The following CTNNA2 variants were observed in gnomAD, a reference collection of about 807,000 sequenced individuals.
CTNNA2 encodes catenin alpha 2.
CTNNA2 carries 42 observed loss-of-function variants against 101.0 expected under a neutral mutation model. That is an observed-to-expected ratio of 0.42 (90% CI 0.32 to 0.54). CTNNA2 has a LOEUF of 0.54. Among genes scored for constraint, CTNNA2 ranks in the 20% least tolerant of loss-of-function variants. CTNNA2 has a pLI of 0.14. For missense variants in CTNNA2, 871 were observed against 1,223.1 expected (o/e 0.71, Z 4.29); for synonymous variants, 450 against 456.4 (o/e 0.99, Z 0.18).
At chr2:80,638,166 CA>C (rs1385970737) in intron 18 of CTNNA2, among the ~76,000 whole-genome samples, 1 of 151,998 alleles carries the variant, frequency 6.6e-6, no homozygotes, top group Non-Finnish European at 1.5e-5. Context: ...ATCGGTAAGG[CA>C]AAAAGGAGGC....
At chr2:80,359,784 T>C (rs1180003470) in intron 7 of CTNNA2, among the ~76,000 whole-genome samples, 1 of 152,162 alleles carries the variant, frequency 6.6e-6, no homozygotes, top group East Asian at 1.9e-4. Flanking sequence ...CTGTCTTAAT[T>C]ATTATAGCTT....
Position 80,647,980 on chromosome 2 carries a change from G to C in CTNNA2, c.*108G>C. The C allele has an allele frequency of 1.0e-6, 1 of 981,070 alleles. No homozygotes were observed. The highest frequency in any genetic ancestry group is 1.5e-6 in the Non-Finnish European group (1 of 674,544). 60.8% of individuals were successfully genotyped at this position (981,070 alleles called of 1,614,324 possible). ...GCCAGCTCGTATGCCTCTGGCATGG[G>C]GAAATTAAGGGAACAGTGTCTGTTT... On this transcript the variant is annotated 3_prime_UTR_variant, in exon 19 of 19. Coordinates refer to ENST00000402739, the MANE Select transcript of CTNNA2 (RefSeq NM_001282597.3).
intron 3 of CTNNA2, among the ~76,000 whole-genome samples, chr2:79,774,741 C>T (rs1208490357): frequency 6.6e-6 from 1 of 152,132 alleles, no homozygotes; most frequent in African/African-American, 2.4e-5. Context: ...AATGAGCCCC[C>T]AAAAGCAATA....
chr2:79,677,770 T>C (rs1212060328), intron 2 of CTNNA2, among the ~76,000 whole-genome samples: 1 of 152,098 alleles, frequency 6.6e-6, no homozygotes, highest in Non-Finnish European at 1.5e-5. Context: ...TGAAAGGAAA[T>C]GTTAAAGAAT....
chr2:79,794,415 A>T (rs1416917092), intron 3 of CTNNA2, among the ~76,000 whole-genome samples: 1 of 152,196 alleles, frequency 6.6e-6, no homozygotes, highest in Non-Finnish European at 1.5e-5. Context: ...TTATTCATTT[A>T]TTACATATAA....
intron 2 of CTNNA2, among the ~76,000 whole-genome samples, chr2:79,206,931 G>A (rs1167669563): frequency 5.3e-5 from 8 of 152,286 alleles, no homozygotes; most frequent in East Asian, 1.9e-4. Flanking sequence ...TACTGTGTAA[G>A]CTGAGTTGTG....
chr2:79,196,236 G>A (rs1432237199), intron 1 of CTNNA2, among the ~76,000 whole-genome samples: 1 of 152,154 alleles, frequency 6.6e-6, no homozygotes, highest in African/African-American at 2.4e-5. Flanking sequence ...CCAGCCTGAA[G>A]TCAGTTTTAA....
intron 2 of CTNNA2, among the ~76,000 whole-genome samples, chr2:79,292,219 C>G (rs922450884): frequency 1.3e-5 from 2 of 152,184 alleles, no homozygotes; most frequent in Admixed American, 6.5e-5. Context: ...AATCATTTCT[C>G]CTACCCAAGG....
At chr2:80,044,999 C>T (rs977492804) in intron 7 of CTNNA2, among the ~76,000 whole-genome samples, 4 of 152,144 alleles carry the variant, frequency 2.6e-5, no homozygotes, top group Non-Finnish European at 2.9e-5. Flanking sequence ...ATGGCTTACT[C>T]GGTTGCATGA....
At chr2:79,579,317 AT>A (rs541616615) in intron 1 of CTNNA2, among the ~76,000 whole-genome samples, 4 of 133,392 alleles carry the variant, frequency 3.0e-5, no homozygotes, top group African/African-American at 1.1e-4. Flanking sequence ...AATTCTAATC[AT>A]TTTTTTTATC....
chr2:80,092,795 A>G (rs964629084), intron 7 of CTNNA2, among the ~76,000 whole-genome samples: 1 of 152,098 alleles, frequency 6.6e-6, no homozygotes, highest in Non-Finnish European at 1.5e-5. Flanking sequence ...GACAGCTTCT[A>G]TTCCATCCAG....
At chr2:79,341,171 T>C (rs756441315) in intron 3 of CTNNA2, among the ~76,000 whole-genome samples, 6 of 152,172 alleles carry the variant, frequency 3.9e-5, no homozygotes, top group Non-Finnish European at 8.8e-5. Context: ...CTATTTCTGA[T>C]CGTGAGCACC....
At chr2:80,579,080 G>T (rs1022652073) in intron 13 of CTNNA2, 1 of 152,208 alleles carries the variant, frequency 6.6e-6, no homozygotes, top group Non-Finnish European at 1.5e-5. Context: ...AGACACAGAA[G>T]TAGTGAAACT....
At chr2:79,519,119 C>T (rs891043023) in intron 1 of CTNNA2, among the ~76,000 whole-genome samples, 3 of 150,942 alleles carry the variant, frequency 2.0e-5, no homozygotes, top group Non-Finnish European at 4.4e-5. Flanking sequence ...ATCCCAGTTA[C>T]TTGAGAGGCT....
chr2:79,318,008 C>A (rs959820049), intron 3 of CTNNA2, among the ~76,000 whole-genome samples: 1 of 151,852 alleles, frequency 6.6e-6, no homozygotes, highest in Non-Finnish European at 1.5e-5. Flanking sequence ...AAAAATATTT[C>A]TTGGTCACCT....
rs544966881 is a variant in CTNNA2, at chr2:79,599,754, G to A, written c.-5-51798G>A. 2.6e-3 allele frequency among the ~76,000 whole-genome samples: 390 copies of A among 152,200 alleles called. 1 individual carries two copies. The highest frequency in any genetic ancestry group is 8.9e-3 in the African/African-American group (368 of 41,534). On this transcript the variant is annotated intron_variant, in intron 1 of 18. Transcript: ENST00000402739. ...AATTTAAGTAAGATATTTCAAAAAC[G>A]TTTAAAAAATTTCTTTAAAGTCACA...
chr2:79,773,592 G>A lies in CTNNA2; in HGVS notation c.298+29010G>A, dbSNP rs187702470. ...AGAGGGGATGACTTTGAATAGAATG[G>A]GAAGCAGGTTTGCCCTGAGCAGTTT... is the stretch of plus-strand genomic sequence containing the variant. On this transcript the variant is annotated intron_variant, in intron 3 of 18. Coordinates refer to ENST00000402739, the MANE Select transcript of CTNNA2 (RefSeq NM_001282597.3). 9.9e-5 allele frequency among the ~76,000 whole-genome samples: 15 copies of A among 152,210 alleles called. No individual in the cohort carries two copies. In the East Asian group the frequency reaches 2.9e-3, roughly 29 times the overall value.
intron 3 of CTNNA2, among the ~76,000 whole-genome samples, chr2:79,341,965 A>G (rs966925395): frequency 5.9e-5 from 9 of 152,224 alleles, no homozygotes; most frequent in Non-Finnish European, 1.3e-4. Flanking sequence ...CAGATAAGGT[A>G]CAATCTCAGA....
rs77878849 is a variant in CTNNA2 at position 79,594,682 on chromosome 2, G to A, written c.-5-56870G>A. ...TTCATTCTCAGAAATGATACATTAA[G>A]AGGGCATTTCTCTTCCTGTTTCTTT... On this transcript the variant is annotated intron_variant, in intron 1 of 18. Coordinates refer to ENST00000402739, the MANE Select transcript of CTNNA2 (RefSeq NM_001282597.3). Among the ~76,000 whole-genome samples, 435 of 152,172 alleles carry A rather than the reference G, an allele frequency of 2.9e-3. 1 individual carries two copies. The highest frequency in any genetic ancestry group is 5.0e-3 in the Admixed American group (77 of 15,276).
Sources: allele counts gnomAD v4.1 joint callset (sites outside exome capture counted in the v4.1 genomes callset), GRCh38; gene constraint gnomAD v4.1.1; transcripts MANE v1.5; gene names NCBI Gene and HGNC (gene_info 2026-07-23, HGNC 2026-07-21).